The following CSMD1 variants were observed in gnomAD, a reference collection of about 807,000 sequenced individuals.
The protein encoded by CSMD1 is CUB and Sushi multiple domains 1, also known as CUB and sushi domain-containing protein 1.
In CSMD1, 213 loss-of-function variants were observed where a neutral mutation model predicts 417.5. The ratio of observed to expected loss-of-function variants is 0.51; its 90% CI spans 0.46 to 0.57. The LOEUF (loss-of-function observed/expected upper bound fraction) is 0.57, where lower values mean the gene tolerates loss of function less well. Ranked by LOEUF, CSMD1 falls within the 20% of genes least tolerant of loss-of-function variation. The pLI is 0.00. For synonymous variants in CSMD1, 2,862 were observed against 1,736.8 expected, an observed-to-expected ratio of 1.65 and a Z score of -16.11; for missense variants, 6,923 against 4,529.7, an observed-to-expected ratio of 1.53 and a Z score of -15.17.
intron 1 of CSMD1, among the ~76,000 whole-genome samples, chr8:4,742,861 T>C (rs1202087974): frequency 6.6e-6 from 1 of 152,170 alleles, no homozygotes; most frequent in Non-Finnish European, 1.5e-5. Flanking sequence ...CAATTCTAAC[T>C]TAATGGTCTG....
intron 3 of CSMD1, among the ~76,000 whole-genome samples, chr8:4,357,889 T>C (rs567846755): frequency 1.1e-4 from 17 of 152,232 alleles, no homozygotes; most frequent in Admixed American, 1.0e-3. Flanking sequence ...ATCATAGACG[T>C]ATAATTGTAG....
intron 49 of CSMD1, among the ~76,000 whole-genome samples, chr8:3,066,743 T>G (rs963240261): frequency 1.3e-5 from 2 of 152,278 alleles, no homozygotes; most frequent in Admixed American, 6.5e-5. Context: ...GATAATTGCA[T>G]GGTAATGGAA....
chr8:4,957,143 G>C (rs574604146), intron 1 of CSMD1, among the ~76,000 whole-genome samples: 5 of 152,158 alleles, frequency 3.3e-5, no homozygotes, highest in African/African-American at 1.2e-4. Context: ...ATGAAATCTG[G>C]CAATTAGGTA....
intron 37 of CSMD1, among the ~76,000 whole-genome samples, chr8:3,164,838 C>G (rs946834061): frequency 6.6e-6 from 1 of 152,076 alleles, no homozygotes; most frequent in Admixed American, 6.5e-5. Flanking sequence ...AGTTACTAAA[C>G]TTGCATGTTT....
chr8:4,282,101 A>C (rs917745203), intron 3 of CSMD1, among the ~76,000 whole-genome samples: 8 of 152,202 alleles, frequency 5.3e-5, no homozygotes, highest in Non-Finnish European at 2.9e-5. Context: ...TTATTAATCC[A>C]AGAGTATTTT....
At chr8:4,351,717 G>C (rs189464876) in intron 3 of CSMD1, among the ~76,000 whole-genome samples, 3 of 152,218 alleles carry the variant, frequency 2.0e-5, no homozygotes, top group African/African-American at 4.8e-5. Context: ...GCCAGACATG[G>C]AAAAGAAAAA....
At chr8:4,134,565 A>G (rs1183501878) in intron 3 of CSMD1, among the ~76,000 whole-genome samples, 1 of 152,204 alleles carries the variant, frequency 6.6e-6, no homozygotes, top group East Asian at 1.9e-4. Flanking sequence ...GCACATTGTT[A>G]TGGCAGCCCT....
chr8:3,485,812 TAAAATAAAA>T (rs1256199739), intron 11 of CSMD1, among the ~76,000 whole-genome samples: 19 of 147,572 alleles, frequency 1.3e-4, no homozygotes, highest in Non-Finnish European at 3.0e-5. Context: ...TAAAATAAAA[TAAAATAAAA>T]TAAAATAAAA....
At chr8:4,565,836 C>T (rs889053288) in intron 2 of CSMD1, among the ~76,000 whole-genome samples, 1 of 147,398 alleles carries the variant, frequency 6.8e-6, no homozygotes, top group African/African-American at 2.5e-5. Context: ...GACACGCACA[C>T]ACACACAAAT....
intron 23 of CSMD1, among the ~76,000 whole-genome samples, chr8:3,335,411 C>A (rs537453450): frequency 2.1e-4 from 32 of 152,314 alleles, no homozygotes; most frequent in Non-Finnish European, 4.0e-4. Context: ...GGCATGGTGG[C>A]TCACGCCTGT....
At chr8:3,184,494 C>G (rs999688699) in intron 36 of CSMD1, among the ~76,000 whole-genome samples, 3 of 152,156 alleles carry the variant, frequency 2.0e-5, no homozygotes, top group Admixed American at 6.5e-5. Context: ...CTGCTCTTAT[C>G]ACATTCATCT....
intron 5 of CSMD1, among the ~76,000 whole-genome samples, chr8:3,939,267 C>G (rs957633778): frequency 6.6e-6 from 1 of 152,032 alleles, no homozygotes. Flanking sequence ...AAATGCTCAA[C>G]ATCATTAATT....
chr8:4,951,037 C>A (rs773471973), intron 1 of CSMD1, among the ~76,000 whole-genome samples: 5 of 151,926 alleles, frequency 3.3e-5, no homozygotes, highest in Admixed American at 6.6e-5. Context: ...CATAATTTAA[C>A]CCCCAAGAAG....
At chr8:3,131,725 G>A (rs1817805212) in intron 41 of CSMD1, among the ~76,000 whole-genome samples, 1 of 152,102 alleles carries the variant, frequency 6.6e-6, no homozygotes, top group Admixed American at 6.6e-5. Flanking sequence ...ACCCGCCTCG[G>A]CCTCCCAAAA....
chr8:4,286,828 C>T (rs1797084536), intron 3 of CSMD1, among the ~76,000 whole-genome samples: 2 of 152,112 alleles, frequency 1.3e-5, no homozygotes. Context: ...CTTTCAGTTG[C>T]TGTTGCTGTT....
chr8:3,999,790 A>C (rs1187153470), intron 4 of CSMD1, among the ~76,000 whole-genome samples: 1 of 152,174 alleles, frequency 6.6e-6, no homozygotes, highest in African/African-American at 2.4e-5. Context: ...GAACGAAATC[A>C]AGACTACATG....
chr8:3,772,913 G>A (rs35973316), intron 5 of CSMD1, among the ~76,000 whole-genome samples: 47,349 of 151,834 alleles, frequency 0.31, 8,446 homozygotes, highest in Non-Finnish European at 0.41. Flanking sequence ...GCTGATAAAA[G>A]ACATGTTTAT....
intron 5 of CSMD1, among the ~76,000 whole-genome samples, chr8:3,983,608 T>C (rs1226261007): frequency 6.6e-6 from 1 of 152,214 alleles, no homozygotes; most frequent in Non-Finnish European, 1.5e-5. Flanking sequence ...ATAAACCCCA[T>C]TTATCAAACT....
intron 3 of CSMD1, among the ~76,000 whole-genome samples, chr8:4,185,853 A>G (rs4083035): frequency 0.83 from 127,029 of 152,168 alleles, 53,226 homozygotes; most frequent in South Asian, 0.94. Context: ...TGAACAGAGC[A>G]ACCGTTCTTG....
Sources: gnomAD v4.1 joint callset for allele counts (sites outside exome capture counted in the v4.1 genomes callset) on GRCh38, gnomAD v4.1.1 for gene constraint, MANE v1.5 for transcripts, NCBI Gene and HGNC (gene_info 2026-07-23, HGNC 2026-07-21) for gene names.